BCL11A: variants seen among roughly 807,000 people sequenced by gnomAD.
The protein encoded by BCL11A is B cell CLL/lymphoma 11A.
In BCL11A, 2 loss-of-function variants were observed where a neutral mutation model predicts 55.9. That is an observed-to-expected ratio of 0.04 (90% CI 0.01 to 0.11). The LOEUF (loss-of-function observed/expected upper bound fraction) is 0.11. Among genes scored for constraint, BCL11A ranks in the 10% least tolerant of loss-of-function variants. BCL11A has a pLI of 1.00. For synonymous variants in BCL11A, 465 were observed against 473.4 expected (o/e 0.98, Z 0.23); for missense variants, 817 against 1,137.1 (o/e 0.72, Z 4.05).
chr2:60,479,865 A>G (rs1409716255), intron 2 of BCL11A, among the ~76,000 whole-genome samples: 2 of 152,180 alleles, frequency 1.3e-5, no homozygotes, highest in African/African-American at 2.4e-5. Flanking sequence ...TTTTCTTACA[A>G]AATCTGAAAA....
intron 1 of BCL11A, among the ~76,000 whole-genome samples, chr2:60,550,644 C>T (rs1467222303): frequency 1.3e-5 from 2 of 152,078 alleles, no homozygotes; most frequent in African/African-American, 4.8e-5. Context: ...GAAGTGGCCC[C>T]CTCACCCCCT....
chr2:60,515,120 C>G (rs578079197), intron 2 of BCL11A, among the ~76,000 whole-genome samples: 55 of 152,320 alleles, frequency 3.6e-4, no homozygotes, highest in African/African-American at 1.3e-3. Flanking sequence ...CGTGCTCCTT[C>G]CCCAACACTG....
intron 2 of BCL11A, among the ~76,000 whole-genome samples, chr2:60,491,499 C>T (rs1292295288): frequency 2.0e-5 from 3 of 151,804 alleles, no homozygotes; most frequent in Non-Finnish European, 4.4e-5. Context: ...ACAGTGAAAC[C>T]CCGTCTCTAC....
At position 60,549,102 on chromosome 2, in the gene BCL11A, T is replaced by A. The variant is rs534461098; in HGVS notation, c.56-2802A>T. Among the ~76,000 whole-genome samples, 4 of 152,228 alleles carry A rather than the reference T, an allele frequency of 2.6e-5. No individual in the cohort carries two copies. In the East Asian group the frequency reaches 7.7e-4, roughly 29 times the overall value. The stretch of plus-strand genomic sequence containing the variant: ...GAAGTGGAAGGGAGTGGGCAAATAA[T>A]CATAATAATTAGCCGCGAATTCTCT... On this transcript the variant is annotated intron_variant, in intron 1 of 3. Coordinates refer to ENST00000642384, the MANE Select transcript of BCL11A (RefSeq NM_022893.4).
chr2:60,551,724 G>A (rs1670420236), intron 1 of BCL11A, among the ~76,000 whole-genome samples: 1 of 151,692 alleles, frequency 6.6e-6, no homozygotes, highest in African/African-American at 2.4e-5. Context: ...AGGACCACGG[G>A]CCAGGCTGGC....
chr2:60,536,433 T>C (rs1442540872), intron 2 of BCL11A: 1 of 152,252 alleles, frequency 6.6e-6, no homozygotes, highest in East Asian at 1.9e-4. Context: ...CAGAGCTGCA[T>C]GGAACCCACA....
intron 2 of BCL11A, chr2:60,484,102 C>A (rs759846445): frequency 6.6e-6 from 1 of 152,214 alleles, no homozygotes; most frequent in Non-Finnish European, 1.5e-5. Flanking sequence ...TCACTATCGA[C>A]AGCTCATGCT....
chr2:60,481,691 C>T (rs1326648058), intron 2 of BCL11A, among the ~76,000 whole-genome samples: 2 of 152,190 alleles, frequency 1.3e-5, no homozygotes, highest in Non-Finnish European at 2.9e-5. Context: ...CTTTTCCCCA[C>T]ATGCTCCAGC....
At chr2:60,452,413 G>A (rs1317160841), downstream of BCL11A, 13 of 584,210 alleles carry the variant, frequency 2.2e-5, no homozygotes, top group Non-Finnish European at 3.3e-5. Flanking sequence ...ATAAAATGGC[G>A]CTGCAGGCCT....
At position 60,457,869 on chromosome 2, in the gene BCL11A, C is replaced by T; in HGVS notation, c.*2535G>A. On this transcript the variant is annotated 3_prime_UTR_variant, in exon 4 of 4. Transcript: ENST00000642384. ...GGATATGTACAACCCCTATGACAGC[C>T]ATCCATGTGACATTCTAGCAGGCTC... is the stretch of plus-strand genomic sequence containing the variant. The T allele has an allele frequency of 1.9e-6, 2 of 1,049,736 alleles. No individual in the cohort carries two copies. The highest frequency in any genetic ancestry group is 2.3e-6 in the Non-Finnish European group (2 of 869,506). The allele number at this position is 1,049,736 out of a possible 1,614,324, so 65.0% of individuals were successfully genotyped here. A position where few individuals can be genotyped will look rare whatever the true frequency, so the allele number is the denominator to read the frequency against.
chr2:60,521,356 C>T (rs1668984353), intron 2 of BCL11A, among the ~76,000 whole-genome samples: 1 of 152,208 alleles, frequency 6.6e-6, no homozygotes, highest in Non-Finnish European at 1.5e-5. Context: ...ACCAGAGGGA[C>T]CCGGGCCTGG....
At chr2:60,531,551 A>G (rs1367515860) in intron 2 of BCL11A, among the ~76,000 whole-genome samples, 1 of 152,264 alleles carries the variant, frequency 6.6e-6, no homozygotes, top group East Asian at 1.9e-4. Flanking sequence ...AAATAGATTC[A>G]TAAGCCTTGG....
intron 2 of BCL11A, among the ~76,000 whole-genome samples, chr2:60,494,232 T>G (rs1157809961): frequency 9.9e-5 from 15 of 152,228 alleles, no homozygotes; most frequent in East Asian, 1.9e-4. Flanking sequence ...GAGAGGGTGA[T>G]GCTGACAGGC....
At position 60,460,400 on chromosome 2, in the gene BCL11A, A is replaced by ACC. The variant is rs1676188565; in HGVS notation, c.*2_*3dup. On this transcript the variant is annotated 3_prime_UTR_variant, in exon 4 of 4. Coordinates refer to ENST00000642384, the MANE Select transcript of BCL11A (RefSeq NM_022893.4). ...GGGAGTGAGGGAGGGGTATTAATAT[A>ACC]CCTCTATTCAGTTTTTATATCATTA... 1 of 1,583,414 alleles carries ACC rather than the reference A, an allele frequency of 6.3e-7. No individual in the cohort carries two copies. Among genetic ancestry groups the ACC allele is most frequent in the Non-Finnish European group, 8.6e-7 (1 of 1,159,192 alleles).
In BCL11A at chr2:60,458,136, T is replaced by C; in HGVS notation, c.*2268A>G. The C allele has an allele frequency of 9.7e-7, 1 of 1,027,942 alleles. No individual in the cohort carries two copies. Among genetic ancestry groups the C allele is most frequent in the Non-Finnish European group, 1.2e-6 (1 of 854,406 alleles). 63.7% of individuals were successfully genotyped at this position (1,027,942 alleles called of 1,614,324 possible). ...ATATAAATACTATAGTGCCTAACACTAGATGAACATTTAATTCAAATACCA... is the reference window on the plus strand; with the variant it reads ...ATATAAATACTATAGTGCCTAACACCAGATGAACATTTAATTCAAATACCA... On this transcript the variant is annotated 3_prime_UTR_variant, in exon 4 of 4. Transcript: ENST00000642384.
downstream of BCL11A, chr2:60,452,783 G>T: frequency 1.3e-6 from 1 of 741,388 alleles, no homozygotes; most frequent in Non-Finnish European, 2.2e-6. Flanking sequence ...CCAACCACAG[G>T]TCGAGCCACT....
intron 2 of BCL11A, among the ~76,000 whole-genome samples, chr2:60,511,305 T>C (rs1489018728): frequency 3.3e-5 from 5 of 152,186 alleles, no homozygotes; most frequent in African/African-American, 9.7e-5. Context: ...TTTCCCACCC[T>C]AGCATACAAT....
intron 2 of BCL11A, among the ~76,000 whole-genome samples, chr2:60,487,513 A>C (rs1395493395): frequency 2.6e-5 from 4 of 152,272 alleles, no homozygotes; most frequent in African/African-American, 9.6e-5. Flanking sequence ...AATCAACATT[A>C]GATATTTAAA....
intron 2 of BCL11A, among the ~76,000 whole-genome samples, chr2:60,493,385 C>T (rs1369350699): frequency 6.6e-6 from 1 of 152,056 alleles, no homozygotes; most frequent in African/African-American, 2.4e-5. Context: ...TCCAGGGAGC[C>T]CTCATTTTGT....
Sources: gnomAD v4.1 joint callset for allele counts (sites outside exome capture counted in the v4.1 genomes callset) on GRCh38, gnomAD v4.1.1 for gene constraint, MANE v1.5 for transcripts, NCBI Gene and HGNC (gene_info 2026-07-23, HGNC 2026-07-21) for gene names.